The following ARHGAP10 variants were observed in gnomAD, a reference collection of about 807,000 sequenced individuals.
The protein encoded by ARHGAP10 is rho GTPase-activating protein 10.
ARHGAP10 carries 87 observed loss-of-function variants against 108.6 expected under a neutral mutation model. The ratio of observed to expected loss-of-function variants is 0.80; its 90% CI spans 0.67 to 0.96. ARHGAP10 has a LOEUF of 0.96. Ranked by LOEUF, ARHGAP10 falls within the 40% of genes least tolerant of loss-of-function variation. ARHGAP10 has a pLI of 0.00. For missense variants in ARHGAP10, 939 were observed against 954.5 expected, an observed-to-expected ratio of 0.98 and a Z score of 0.21; for synonymous variants, 347 against 341.1, an observed-to-expected ratio of 1.02 and a Z score of -0.19.
At chr4:147,851,424 G>A (rs1733873492) in intron 4 of ARHGAP10, among the ~76,000 whole-genome samples, 1 of 152,096 alleles carries the variant, frequency 6.6e-6, no homozygotes, top group Non-Finnish European at 1.5e-5. Flanking sequence ...TGTTGCCCAG[G>A]CTGGTCTTGA....
chr4:147,824,368 G>C (rs1354081105), intron 3 of ARHGAP10, among the ~76,000 whole-genome samples: 1 of 151,906 alleles, frequency 6.6e-6, no homozygotes, highest in Non-Finnish European at 1.5e-5. Context: ...TTGAAAATGA[G>C]TACTATCTAG....
At chr4:147,851,212 C>A (rs926281493) in intron 4 of ARHGAP10, among the ~76,000 whole-genome samples, 1 of 151,964 alleles carries the variant, frequency 6.6e-6, no homozygotes, top group Non-Finnish European at 1.5e-5. Context: ...AAGCTCATTA[C>A]CAGACCTCTA....
intron 15 of ARHGAP10, among the ~76,000 whole-genome samples, chr4:147,948,460 G>A (rs960081415): frequency 1.3e-5 from 2 of 152,050 alleles, no homozygotes; most frequent in East Asian, 3.9e-4. Context: ...TTTTCACTTG[G>A]TTGATAGGTT....
At chr4:147,928,515 C>T (rs1324737836) in intron 13 of ARHGAP10, among the ~76,000 whole-genome samples, 2 of 152,050 alleles carry the variant, frequency 1.3e-5, no homozygotes, top group Admixed American at 6.5e-5. Context: ...TAGGAGAAGG[C>T]GAACATGCCA....
At chr4:147,955,170 C>CT in intron 15 of ARHGAP10, 146 bp from the exon 16 acceptor site, 1 of 735,054 alleles carries the variant, frequency 1.4e-6, no homozygotes, top group East Asian at 2.5e-5. Flanking sequence ...GTTTATGTAT[C>CT]TTTTTTGATA....
intron 18 of ARHGAP10, among the ~76,000 whole-genome samples, chr4:147,975,290 T>C (rs1739551454): frequency 6.6e-6 from 1 of 152,176 alleles, no homozygotes; most frequent in Non-Finnish European, 1.5e-5. Flanking sequence ...GGTGTCTTCA[T>C]GGCACTTTGA....
chr4:147,990,098 GA>G (rs1740212551), intron 18 of ARHGAP10, among the ~76,000 whole-genome samples: 1 of 152,212 alleles, frequency 6.6e-6, no homozygotes, highest in African/African-American at 2.4e-5. Flanking sequence ...GAGGAGGAAA[GA>G]AATTGATTGG....
At chr4:148,065,004 C>T (rs551460512) in intron 22 of ARHGAP10, among the ~76,000 whole-genome samples, 42 of 152,262 alleles carry the variant, frequency 2.8e-4, no homozygotes, top group Non-Finnish European at 4.9e-4. Flanking sequence ...TCTCCAGATT[C>T]GGGTATTGAC....
rs148636304 is a variant in ARHGAP10 at position 147,805,123 on chromosome 4, T to C, written c.155-17604T>C. 2.0e-4 allele frequency among the ~76,000 whole-genome samples: 30 copies of C among 152,356 alleles called. No homozygotes were observed. The East Asian group carries it at 5.2e-3, about 26-fold the overall frequency. ...CAGTGTCAGGTTTTACATTGAAGTC[T>C]TTAATTCATCTTGAGTTAATTTTTG... On this transcript the variant is annotated intron_variant, in intron 1 of 22. Coordinates refer to ENST00000336498, the MANE Select transcript of ARHGAP10 (RefSeq NM_024605.4).
intron 16 of ARHGAP10, among the ~76,000 whole-genome samples, chr4:147,958,531 G>A (rs561304953): frequency 4.6e-5 from 7 of 152,326 alleles, no homozygotes; most frequent in Admixed American, 3.3e-4. Context: ...TATCTGGGAA[G>A]CAAGACAAAA....
chr4:147,798,721 GACACTCTCTCTCTCTCTCTC>G lies in ARHGAP10; in HGVS notation c.155-24005_155-23986del, dbSNP rs1227244946. The stretch of plus-strand genomic sequence containing the variant: ...GCATTACGTGAGGTCAGGAGTTTGA[GACACTCTCTCTCTCTCTCTC>G]TCTCTCTCTCTCTCTCTCTCTCTCT... On this transcript the variant is annotated intron_variant, in intron 1 of 22. Coordinates refer to ENST00000336498, the MANE Select transcript of ARHGAP10 (RefSeq NM_024605.4). Among the ~76,000 whole-genome samples, 46 of 116,192 alleles carry G rather than the reference GACACTCTCTCTCTCTCTCTC, an allele frequency of 4.0e-4. 1 individual carries two copies. The highest frequency in any genetic ancestry group is 2.2e-3 in the African/African-American group (45 of 20,724). The allele number at this position is 116,192 out of a possible 152,430, so 76.2% of individuals were successfully genotyped here.
chr4:147,880,360 A>G (rs1472781945), intron 9 of ARHGAP10, among the ~76,000 whole-genome samples: 1 of 152,220 alleles, frequency 6.6e-6, no homozygotes, highest in African/African-American at 2.4e-5. Flanking sequence ...TTTAATAAAA[A>G]CACATTTATA....
intron 18 of ARHGAP10, among the ~76,000 whole-genome samples, chr4:148,014,224 A>G (rs971239589): frequency 2.0e-5 from 3 of 152,196 alleles, no homozygotes; most frequent in African/African-American, 7.2e-5. Context: ...CACATTCAAA[A>G]AAGGCTTTGG....
At chr4:147,932,292 T>C (rs1191006185) in intron 13 of ARHGAP10, among the ~76,000 whole-genome samples, 2 of 152,158 alleles carry the variant, frequency 1.3e-5, no homozygotes, top group African/African-American at 4.8e-5. Context: ...GACCCAGCAA[T>C]TCCATTACTG....
chr4:148,062,166 C>T (rs1729649120), intron 20 of ARHGAP10, among the ~76,000 whole-genome samples: 1 of 152,102 alleles, frequency 6.6e-6, no homozygotes, highest in Non-Finnish European at 1.5e-5. Flanking sequence ...TAAACTTGGC[C>T]CTAGGTTGCT....
chr4:147,836,323 C>T (rs971837463), intron 3 of ARHGAP10, among the ~76,000 whole-genome samples: 1 of 152,076 alleles, frequency 6.6e-6, no homozygotes, highest in Non-Finnish European at 1.5e-5. Context: ...GAATTTCAGC[C>T]TTAATCCTCT....
chr4:147,772,645 G>A (rs1466283789), intron 1 of ARHGAP10, among the ~76,000 whole-genome samples: 1 of 152,222 alleles, frequency 6.6e-6, no homozygotes, highest in East Asian at 1.9e-4. Flanking sequence ...AAACAGATGA[G>A]TTTAAAATCC....
In ARHGAP10 at chr4:147,922,088, G is replaced by A. The variant is rs930983639; in HGVS notation, c.1228+8949G>A. Among the ~76,000 whole-genome samples, 5 of 152,230 alleles carry A rather than the reference G, an allele frequency of 3.3e-5. No individual in the cohort carries two copies. In the South Asian group the frequency reaches 1.0e-3, roughly 32 times the overall value. ...TGAGTTCTGCAGGGCAAGAGGAATTGTCCAGGTTTGCAAGGATGTGGGGTG... is the reference window on the plus strand; with the variant it reads ...TGAGTTCTGCAGGGCAAGAGGAATTATCCAGGTTTGCAAGGATGTGGGGTG... On this transcript the variant is annotated intron_variant, in intron 13 of 22. Coordinates refer to ENST00000336498, the MANE Select transcript of ARHGAP10 (RefSeq NM_024605.4).
chr4:147,841,223 G>C (rs1733401820), intron 3 of ARHGAP10, among the ~76,000 whole-genome samples: 1 of 152,224 alleles, frequency 6.6e-6, no homozygotes, highest in Non-Finnish European at 1.5e-5. Flanking sequence ...GCTTCCTTTT[G>C]TTTCCAAGCA....
Sources: gnomAD v4.1 joint callset for allele counts (sites outside exome capture counted in the v4.1 genomes callset) on GRCh38, gnomAD v4.1.1 for gene constraint, MANE v1.5 for transcripts, NCBI Gene and HGNC (gene_info 2026-07-23, HGNC 2026-07-21) for gene names.